Variants in VWC2L observed in about 807,000 individuals in gnomAD.
VWC2L encodes von Willebrand factor C domain containing 2 like.
A neutral mutation model predicts 21.6 loss-of-function variants in VWC2L; 10 were observed. The ratio of observed to expected loss-of-function variants is 0.46; its 90% CI spans 0.29 to 0.78. The LOEUF is 0.78. Ranked by LOEUF, VWC2L falls within the 30% of genes least tolerant of loss-of-function variation. The pLI is 0.10. For missense variants in VWC2L, 209 were observed against 277.1 expected (o/e 0.75, Z 1.74); for synonymous variants, 96 against 94.3 (o/e 1.02, Z -0.10).
chr2:214,525,160 C>G (rs1050910541), intron 3 of VWC2L: 1 of 151,894 alleles, frequency 6.6e-6, no homozygotes, highest in Non-Finnish European at 1.5e-5. Flanking sequence ...CCTATCCGGT[C>G]CATTTTTCTT....
chr2:214,473,335 A>G (rs1165072177), intron 3 of VWC2L, among the ~76,000 whole-genome samples: 2 of 152,174 alleles, frequency 1.3e-5, no homozygotes, highest in African/African-American at 2.4e-5. Context: ...CCCAATTTTC[A>G]GTGGTTGAAG....
chr2:214,575,983 ATTTC>A lies in VWC2L; in HGVS notation c.*169_*172del. 1.4e-6 allele frequency: 1 copy of A among 697,726 alleles called. No homozygotes were observed. The highest frequency in any genetic ancestry group is 2.3e-6 in the Non-Finnish European group (1 of 441,154). The allele number at this position is 697,726 out of a possible 1,614,324, so 43.2% of individuals were successfully genotyped here. A position where few individuals can be genotyped will look rare whatever the true frequency, so the allele number is the denominator to read the frequency against. On this transcript the variant is annotated 3_prime_UTR_variant, in exon 4 of 4. Coordinates refer to ENST00000312504, the MANE Select transcript of VWC2L (RefSeq NM_001080500.4). ...AAAGTGAATATTTTCCTAAGAGGAA[ATTTC>A]TTTCTCTCTTGCTATATAAAATATA...
intron 3 of VWC2L, among the ~76,000 whole-genome samples, chr2:214,450,002 A>T (rs2126184147): frequency 6.6e-6 from 1 of 152,314 alleles, no homozygotes; most frequent in African/African-American, 2.4e-5. Flanking sequence ...TGTTGCGTCC[A>T]AATTTTGAAA....
Position 214,433,246 on chromosome 2 carries a change from T to G in VWC2L, c.391-3383T>G, listed in dbSNP as rs375114737. On this transcript the variant is annotated intron_variant, in intron 2 of 3. Coordinates refer to ENST00000312504, the MANE Select transcript of VWC2L (RefSeq NM_001080500.4). Reference sequence around the variant, plus strand: ...GCTAATCCTAATTTCAACTAAAATTTATGAAAAAGTAGTGAGTGAATGTTA... The same window carrying G: ...GCTAATCCTAATTTCAACTAAAATTGATGAAAAAGTAGTGAGTGAATGTTA... Among the ~76,000 whole-genome samples, 9 of 150,022 alleles carry G rather than the reference T, an allele frequency of 6.0e-5. No homozygotes were observed. In the South Asian group the frequency reaches 1.5e-3, roughly 24 times the overall value.
chr2:214,518,348 A>G (rs907788882), intron 3 of VWC2L, among the ~76,000 whole-genome samples: 30 of 152,188 alleles, frequency 2.0e-4, no homozygotes, highest in Non-Finnish European at 4.4e-5. Flanking sequence ...TGGAGGATTA[A>G]TTTAGATAAT....
chr2:214,418,632 T>C (rs1052406851), intron 2 of VWC2L, among the ~76,000 whole-genome samples: 1 of 152,224 alleles, frequency 6.6e-6, no homozygotes, highest in Non-Finnish European at 1.5e-5. Context: ...CAACACCGTG[T>C]GAGCTATGTA....
In VWC2L at chr2:214,578,274, T is replaced by A. The variant is rs532213092; in HGVS notation, c.*2454T>A. 1 of 152,182 alleles carries A rather than the reference T, an allele frequency of 6.6e-6. No individual in the cohort carries two copies. The highest frequency in any genetic ancestry group is 1.5e-5 in the Non-Finnish European group (1 of 68,038). 9.4% of individuals were successfully genotyped at this position (152,182 alleles called of 1,614,324 possible). On this transcript the variant is annotated 3_prime_UTR_variant, in exon 4 of 4. Transcript: ENST00000312504. ...CAGAAAGAGAGTACAACTGGGAAGC[T>A]GAAGTGCAGAAATTTTGCATCAAAG...
chr2:214,482,692 T>C (rs1688624554), intron 3 of VWC2L, among the ~76,000 whole-genome samples: 1 of 151,152 alleles, frequency 6.6e-6, no homozygotes, highest in East Asian at 1.9e-4. Flanking sequence ...CCAGGCACTG[T>C]GGTATAACAC....
chr2:214,412,604 A>C (rs529286701), intron 1 of VWC2L, among the ~76,000 whole-genome samples: 1 of 152,184 alleles, frequency 6.6e-6, no homozygotes, highest in Admixed American at 6.5e-5. Context: ...CCCAAAGGGA[A>C]TTCTAATATC....
At chr2:214,454,598 C>CTTTTTTTTTTTTTTTTTTTT (rs34032234) in intron 3 of VWC2L, among the ~76,000 whole-genome samples, 1 of 64,134 alleles carries the variant, frequency 1.6e-5, no homozygotes, top group Non-Finnish European at 2.7e-5. Flanking sequence ...GATTGATTTT[C>CTTTTTTTTTTTTTTTTTTTT]TTTTTTTTTT....
chr2:214,449,498 G>C (rs968094320), intron 3 of VWC2L, among the ~76,000 whole-genome samples: 2 of 152,200 alleles, frequency 1.3e-5, no homozygotes, highest in Non-Finnish European at 2.9e-5. Flanking sequence ...CACATTATGT[G>C]ACTTAAAAAT....
intron 3 of VWC2L, among the ~76,000 whole-genome samples, chr2:214,514,065 TACACAC>T: frequency 6.6e-6 from 1 of 152,248 alleles, no homozygotes; most frequent in East Asian, 1.9e-4. Flanking sequence ...TCAGCCCATA[TACACAC>T]ACTCATGCAA....
intron 3 of VWC2L, among the ~76,000 whole-genome samples, chr2:214,504,230 A>G (rs1688936591): frequency 6.6e-6 from 1 of 152,210 alleles, no homozygotes; most frequent in African/African-American, 2.4e-5. Flanking sequence ...GAAGGGTGAA[A>G]TCAGAATGTA....
chr2:214,495,973 A>T (rs1295564011), intron 3 of VWC2L, among the ~76,000 whole-genome samples: 1 of 152,108 alleles, frequency 6.6e-6, no homozygotes, highest in Non-Finnish European at 1.5e-5. Flanking sequence ...CATTCTAAGA[A>T]ATGTGTCCTT....
chr2:214,450,338 G>T (rs1317883396), intron 3 of VWC2L, among the ~76,000 whole-genome samples: 1 of 152,150 alleles, frequency 6.6e-6, no homozygotes, highest in Non-Finnish European at 1.5e-5. Context: ...ATCAGAGAGG[G>T]ACAGAAAAGC....
intron 2 of VWC2L, among the ~76,000 whole-genome samples, chr2:214,416,496 A>AT (rs1360375660): frequency 6.6e-6 from 1 of 152,056 alleles, no homozygotes; most frequent in African/African-American, 2.4e-5. Flanking sequence ...TTTAACAAGA[A>AT]TTTAGAGTCA....
At chr2:214,419,276 G>T (rs1008797829) in intron 2 of VWC2L, among the ~76,000 whole-genome samples, 1 of 152,082 alleles carries the variant, frequency 6.6e-6, no homozygotes, top group Non-Finnish European at 1.5e-5. Context: ...TATGACACTG[G>T]AACCTACTTT....
chr2:214,559,244 T>C (rs1056125093), intron 3 of VWC2L, among the ~76,000 whole-genome samples: 1 of 152,018 alleles, frequency 6.6e-6, no homozygotes, highest in South Asian at 2.1e-4. Context: ...AAAATGCTCA[T>C]CATCACTGGC....
At chr2:214,501,847 G>A (rs34317850) in intron 3 of VWC2L, among the ~76,000 whole-genome samples, 53,886 of 151,894 alleles carry the variant, frequency 0.35, 11,119 homozygotes, top group South Asian at 0.48. Context: ...CTACCCTGCT[G>A]TACAGGCCAC....
Sources: gnomAD v4.1 joint callset for allele counts (sites outside exome capture counted in the v4.1 genomes callset) on GRCh38, gnomAD v4.1.1 for gene constraint, MANE v1.5 for transcripts, NCBI Gene and HGNC (gene_info 2026-07-23, HGNC 2026-07-21) for gene names.